Variants in NCAN observed in about 807,000 individuals in gnomAD.
The protein encoded by NCAN is neurocan core protein.
A neutral mutation model predicts 121.8 loss-of-function variants in NCAN; 47 were observed. The ratio of observed to expected loss-of-function variants is 0.39; its 90% CI spans 0.31 to 0.49. The LOEUF is 0.49. Ranked by LOEUF, NCAN falls within the 20% of genes least tolerant of loss-of-function variation. NCAN has a pLI of 0.92. For missense variants in NCAN, 1,517 were observed against 1,773.4 expected, an observed-to-expected ratio of 0.86 and a Z score of 2.60; for synonymous variants, 633 against 702.0, an observed-to-expected ratio of 0.90 and a Z score of 1.55.
Position 19,238,297 on chromosome 19 carries a change from T to G in NCAN, c.3295T>G (p.Cys1099Gly). The change falls in exon 11 of 15, where the codon TGT becomes GGT. Residue 1099 changes from cysteine (C) to glycine (G), a missense_variant. Physicochemically the swap from Cys to Gly is radical, Grantham distance 159. Coordinates refer to ENST00000252575, the MANE Select transcript of NCAN (RefSeq NM_004386.3). ...DRGWHKFQGH[C>G]YRYFAHRRAW... Reference sequence around the variant, plus strand: ...CGGCTGGCATAAGTTCCAGGGCCACTGTTACCGCTATTTTGCCCACCGGAG... The same window carrying G: ...CGGCTGGCATAAGTTCCAGGGCCACGGTTACCGCTATTTTGCCCACCGGAG... The G allele has an allele frequency of 6.2e-7, 1 of 1,614,206 alleles. No homozygotes were observed. The highest frequency in any genetic ancestry group is 2.2e-5 in the East Asian group (1 of 44,886).
In NCAN at chr19:19,226,519, A is replaced by C. The variant is rs1599812661; in HGVS notation, c.1106A>C (p.Glu369Ala). 1 of 1,606,668 alleles carries C rather than the reference A, an allele frequency of 6.2e-7. No individual in the cohort carries two copies. The highest frequency in any genetic ancestry group is 8.5e-7 in the Non-Finnish European group (1 of 1,174,300). ...HHPTSQHGDLETPSSGDEGEI... is the reference protein window; with the variant it reads ...HHPTSQHGDLATPSSGDEGEI... ...CCCACGTCACAACATGGAGACCTAG[A>C]GACCCCATCCTCTGGGGATGAGGGG... is the stretch of plus-strand genomic sequence containing the variant. The change falls in exon 7 of 15, where the codon GAG becomes GCG. Residue 369 changes from glutamate (E) to alanine (A), a missense_variant. Transcript: ENST00000252575.
Position 19,238,367 on chromosome 19 carries a change from A to G in NCAN, c.3365A>G (p.His1122Arg), listed in dbSNP as rs1599820077. The change falls in exon 11 of 15, where the codon CAC (histidine) becomes CGC (arginine). Residue 1122 changes from histidine to arginine, a missense_variant. Coordinates refer to ENST00000252575, the MANE Select transcript of NCAN (RefSeq NM_004386.3). ...AAGGACTGCCGCCGCCGCTCCGGCC[A>G]CCTGACCAGCGTCCACTCACCGGAG... The part of the protein sequence containing the change: ...AEKDCRRRSG[H>R]LTSVHSPEEH... 7 of 1,614,204 alleles carry G rather than the reference A, an allele frequency of 4.3e-6. No homozygotes were observed. In the East Asian group the frequency reaches 1.1e-4, roughly 26 times the overall value.
At chr19:19,247,071 AT>A (rs1265995901) in intron 13 of NCAN, among the ~76,000 whole-genome samples, 2 of 151,440 alleles carry the variant, frequency 1.3e-5, no homozygotes, top group African/African-American at 2.4e-5. Flanking sequence ...CCTCCCCCCC[AT>A]TTATTCATGT....
At position 19,224,331 on chromosome 19, in the gene NCAN, G is replaced by C. The variant is rs2060827313; in HGVS notation, c.676G>C (p.Gly226Arg). The part of the protein sequence containing the change: ...VRYPITQSRP[G>R]CYGDRSSLPG... ...GTATCCTATCACCCAGTCCCGTCCT[G>C]GTTGCTATGGCGACCGTAGCAGCCT... The change falls in exon 5 of 15, where the codon GGT becomes CGT. Residue 226 changes from glycine to arginine, a missense_variant. Coordinates refer to ENST00000252575, the MANE Select transcript of NCAN (RefSeq NM_004386.3). 1 of 1,613,944 alleles carries C rather than the reference G, an allele frequency of 6.2e-7. No homozygotes were observed. The highest frequency in any genetic ancestry group is 1.3e-5 in the African/African-American group (1 of 74,904).
At chr19:19,214,727 GGTGTGTGTGTGT>G (rs56279536) in intron 1 of NCAN, among the ~76,000 whole-genome samples, 2 of 141,146 alleles carry the variant, frequency 1.4e-5, no homozygotes, top group African/African-American at 2.6e-5. Context: ...CTGTTAACGG[GGTGTGTGTGTGT>G]GTGTGTGTGT....
In NCAN at chr19:19,212,449, G is replaced by T. The variant is rs1240304383; in HGVS notation, c.-8+385G>T. 6.6e-6 allele frequency among the ~76,000 whole-genome samples: 1 copy of T among 151,952 alleles called. No homozygotes were observed. Among genetic ancestry groups the T allele is most frequent in the Non-Finnish European group, 1.5e-5 (1 of 67,960 alleles). Reference sequence around the variant, plus strand: ...GGGGACTCTGGAACAGGGCACCCCCGTATCTCAGCCGAGACACCCCAGGAT... The same window carrying T: ...GGGGACTCTGGAACAGGGCACCCCCTTATCTCAGCCGAGACACCCCAGGAT... On this transcript the variant is annotated intron_variant, in intron 1 of 14. Transcript: ENST00000252575. The surrounding 1 kb of genome is among the most constrained non-coding windows in gnomAD (Gnocchi z 4.5).
In NCAN at chr19:19,250,631, T is replaced by G. The variant is rs2060943152; in HGVS notation, c.*720T>G. The G allele has an allele frequency of 6.2e-6, 1 of 161,096 alleles. No homozygotes were observed. Among genetic ancestry groups the G allele is most frequent in the South Asian group, 1.8e-4 (1 of 5,530 alleles). 10.0% of individuals were successfully genotyped at this position (161,096 alleles called of 1,614,324 possible). A position where few individuals can be genotyped will look rare whatever the true frequency, so the allele number is the denominator to read the frequency against. The stretch of plus-strand genomic sequence containing the variant: ...TTCCAGGTCTAGTCCAGCGCTGAGA[T>G]TTGGTGGTTCTGCATGTGTGATGAA... On this transcript the variant is annotated 3_prime_UTR_variant, in exon 15 of 15. Coordinates refer to ENST00000252575, the MANE Select transcript of NCAN (RefSeq NM_004386.3).
Position 19,224,185 on chromosome 19 carries a change from C to A in NCAN, c.640C>A (p.Arg214Ser). 6 of 1,589,954 alleles carry A rather than the reference C, an allele frequency of 3.8e-6. No individual in the cohort carries two copies. Among genetic ancestry groups the A allele is most frequent in the Non-Finnish European group, 5.2e-6 (6 of 1,162,752 alleles). Residue 214 changes from arginine (R) to serine (S), a missense_variant, in exon 4 of 15, where the codon CGC becomes AGC. Physicochemically the swap from Arg to Ser is moderately radical, Grantham distance 110. Coordinates refer to ENST00000252575, the MANE Select transcript of NCAN (RefSeq NM_004386.3). ...CTGTGATGCTGGCTGGCTCTCTGACCGCACTGTTCGGTGAGGGGGATACAC... is the reference window on the plus strand; with the variant it reads ...CTGTGATGCTGGCTGGCTCTCTGACAGCACTGTTCGGTGAGGGGGATACAC... ...DNCDAGWLSD[R>S]TVRYPITQSR...
intron 13 of NCAN, among the ~76,000 whole-genome samples, chr19:19,246,731 G>A (rs531912559): frequency 1.8e-4 from 27 of 151,912 alleles, no homozygotes; most frequent in African/African-American, 5.3e-4. Flanking sequence ...TAGTGGAGAC[G>A]GGGTTTCACC....
chr19:19,228,582 G>A lies in NCAN; in HGVS notation c.2962G>A (p.Ala988Thr), dbSNP rs759597917. ...TGTAGAGAGCTTCTGGGAGGAGGTG[G>A]CAAGTGGAGAGGAGCCAGCCCTGCC... ...PGVESFWEEV[A>T]SGEEPALPGT... is the part of the protein sequence containing the mutation. The change falls in exon 8 of 15, where the codon GCA (alanine) becomes ACA (threonine). Residue 988 changes from alanine (A) to threonine (T), a missense_variant. Physicochemically the swap from Ala to Thr is moderately conservative, Grantham distance 58. Transcript: ENST00000252575. The A allele has an allele frequency of 6.2e-7, 1 of 1,612,974 alleles. No homozygotes were observed. The highest frequency in any genetic ancestry group is 1.1e-5 in the South Asian group (1 of 91,078).
In NCAN at chr19:19,238,262, G is replaced by T. The variant is rs1357644051; in HGVS notation, c.3260G>T (p.Gly1087Val). ...GGSFCEKDTEGCDRGWHKFQG... is the reference protein window; with the variant it reads ...GGSFCEKDTEVCDRGWHKFQG... ...CTATCCCATCTCCCAGACACCGAGG[G>T]CTGTGACCGCGGCTGGCATAAGTTC... is the stretch of plus-strand genomic sequence containing the variant. Residue 1087 changes from glycine to valine, a missense_variant, in exon 11 of 15, where the codon GGC becomes GTC. Coordinates refer to ENST00000252575, the MANE Select transcript of NCAN (RefSeq NM_004386.3). The T allele has an allele frequency of 6.2e-7, 1 of 1,614,152 alleles. No individual in the cohort carries two copies. Among genetic ancestry groups the T allele is most frequent in the South Asian group, 1.1e-5 (1 of 91,088 alleles).
At chr19:19,230,844 C>T (rs2060856264) in intron 8 of NCAN, among the ~76,000 whole-genome samples, 1 of 148,826 alleles carries the variant, frequency 6.7e-6, no homozygotes, top group Non-Finnish European at 1.5e-5. Flanking sequence ...TCAGCTTCTC[C>T]AGTAGCTTGG....
At position 19,225,295 on chromosome 19, in the gene NCAN, G is replaced by A. The variant is rs2060831780; in HGVS notation, c.1072+25G>A. 6.0e-6 allele frequency: 9 copies of A among 1,494,376 alleles called. No homozygotes were observed. The highest frequency in any genetic ancestry group is 1.5e-5 in the African/African-American group (1 of 68,186). The allele number at this position is 1,494,376 out of a possible 1,614,324, so 92.6% of individuals were successfully genotyped here. ...GGTGCGTGCGTCCCCTGGTGGCCGC[G>A]CCCCCAGGGCTTTCACTTTGGCGAA... On this transcript the variant is annotated intron_variant, in intron 6 of 14. Transcript: ENST00000252575. The surrounding 1 kb of genome is among the most constrained non-coding windows in gnomAD (Gnocchi z 4.0).
rs780098305 is a variant in NCAN at position 19,249,781 on chromosome 19, G to A, written c.3836G>A (p.Arg1279Gln). 16 of 1,605,610 alleles carry A rather than the reference G, an allele frequency of 1.0e-5. No individual in the cohort carries two copies. The highest frequency in any genetic ancestry group is 4.5e-5 in the East Asian group (2 of 44,820). The change falls in exon 15 of 15, where the codon CGG becomes CAG. Residue 1279 changes from arginine to glutamine, a missense_variant. Coordinates refer to ENST00000252575, the MANE Select transcript of NCAN (RefSeq NM_004386.3). Reference sequence around the variant, plus strand: ...TTCCCTGCAGCCAGACGTTCACATCGGATGCGGCGACACCACCACCACCAC... The same window carrying A: ...TTCCCTGCAGCCAGACGTTCACATCAGATGCGGCGACACCACCACCACCAC... ...IVCTKPRRSH[R>Q]MRRHHHHHQH...
chr19:19,234,999 C>G lies in NCAN; in HGVS notation c.3153C>G (p.Leu1051=), dbSNP rs2146549307. 1.2e-6 allele frequency: 2 copies of G among 1,611,570 alleles called. No homozygotes were observed. The highest frequency in any genetic ancestry group is 1.7e-6 in the Non-Finnish European group (2 of 1,178,184). The change falls in exon 10 of 15, where the codon CTC becomes CTG. Residue 1051 remains leucine, a synonymous_variant. Coordinates refer to ENST00000252575, the MANE Select transcript of NCAN (RefSeq NM_004386.3). ...CTCTGCCAGACATTGATGACTGCCT[C>G]TGCAGCCCCTGTGAGAATGGAGGCA... ...ENCEIDIDDC[L]CSPCENGGTC... is the part of the protein sequence containing the mutation.
chr19:19,227,118 G>A lies in NCAN; in HGVS notation c.1660+45G>A. The A allele has an allele frequency of 1.3e-6, 2 of 1,499,392 alleles. No homozygotes were observed. Among genetic ancestry groups the A allele is most frequent in the African/African-American group, 1.4e-5 (1 of 71,502 alleles). The allele number at this position is 1,499,392 out of a possible 1,614,324, so 92.9% of individuals were successfully genotyped here. On this transcript the variant is annotated intron_variant, in intron 7 of 14. Transcript: ENST00000252575. The surrounding 1 kb of genome is among the most constrained non-coding windows in gnomAD (Gnocchi z 4.2). ...GCGGGACCTACCTGGGGATCTGGAGGTGAGGGTAGAGAGGTAGCCATGGCT... is the reference window on the plus strand; with the variant it reads ...GCGGGACCTACCTGGGGATCTGGAGATGAGGGTAGAGAGGTAGCCATGGCT...
Position 19,251,372 on chromosome 19 carries a change from T to C in NCAN, c.*1461T>C, listed in dbSNP as rs564090454. 5.6e-4 allele frequency: 86 copies of C among 152,348 alleles called. No homozygotes were observed. Among genetic ancestry groups the C allele is most frequent in the African/African-American group, 2.1e-3 (86 of 41,572 alleles). The allele number at this position is 152,348 out of a possible 1,614,324, so 9.4% of individuals were successfully genotyped here. On this transcript the variant is annotated 3_prime_UTR_variant, in exon 15 of 15. Transcript: ENST00000252575. ...GCTAAAGACTTACATACAATCTCCT[T>C]GAATCTTCTCAATAGCCCATTGACT...
chr19:19,219,394 C>G, intron 3 of NCAN, 78 bp downstream of exon 3: 1 of 1,373,160 alleles, frequency 7.3e-7, no homozygotes, highest in Non-Finnish European at 9.6e-7. Flanking sequence ...TGAATGTCAC[C>G]TTAGAAATCA....
intron 11 of NCAN, among the ~76,000 whole-genome samples, chr19:19,239,821 A>G (rs1470382315): frequency 1.9e-5 from 1 of 53,228 alleles, no homozygotes; most frequent in Non-Finnish European, 3.7e-5. Flanking sequence ...TCTCCTCCCC[A>G]TTCATCTCCC....
Sources: allele counts gnomAD v4.1 joint callset (sites outside exome capture counted in the v4.1 genomes callset), GRCh38; gene constraint gnomAD v4.1.1; non-coding constraint Gnocchi (gnomAD v3.1); transcripts MANE v1.5; gene names NCBI Gene and HGNC (gene_info 2026-07-23, HGNC 2026-07-21).